ASH1L: variants seen among roughly 807,000 people sequenced by gnomAD.
The protein encoded by ASH1L is ASH1 like histone lysine methyltransferase, also known as histone-lysine N-methyltransferase ASH1L.
A neutral mutation model predicts 269.0 loss-of-function variants in ASH1L; 23 were observed. The observed-to-expected ratio is 0.09, with a 90% CI of 0.06 to 0.12. The LOEUF is 0.12. Ranked by LOEUF, ASH1L falls within the 10% of genes least tolerant of loss-of-function variation. The pLI is 1.00. For synonymous variants in ASH1L, 1,187 were observed against 1,253.5 expected (o/e 0.95, Z 1.12); for missense variants, 2,912 against 3,567.8 (o/e 0.82, Z 4.68).
rs747249066 is a variant in ASH1L at position 155,562,289 on chromosome 1, A to G, written c.-236T>C. The G allele has an allele frequency of 5.6e-6, 9 of 1,602,088 alleles. No individual in the cohort carries two copies. In the East Asian group the frequency reaches 2.0e-4, roughly 36 times the overall value. ...GCTTGTCAGGAGGCGGCCAGCGGGT[A>G]AGCTGACTGGCGGAAATGCGAGAGA... On this transcript the variant is annotated 5_prime_UTR_variant, in exon 1 of 28. Transcript: ENST00000392403.
Position 155,480,664 on chromosome 1 carries a change from A to T in ASH1L, c.2206T>A (p.Leu736Ile). 1 of 1,613,934 alleles carries T rather than the reference A, an allele frequency of 6.2e-7. No individual in the cohort carries two copies. Among genetic ancestry groups the T allele is most frequent in the Non-Finnish European group, 8.5e-7 (1 of 1,179,942 alleles). ...TTTTTAAAAAGCTCTGATCTTTCTAATTCTAGCCCTTTTGGAGACCGGCAT... is the reference window on the plus strand; with the variant it reads ...TTTTTAAAAAGCTCTGATCTTTCTATTTCTAGCCCTTTTGGAGACCGGCAT... Reference protein sequence around the residue: ...STCRSPKGLELERSELFKNVS... With the variant: ...STCRSPKGLEIERSELFKNVS... Residue 736 changes from leucine to isoleucine, a missense_variant, in exon 3 of 28, where the codon TTA becomes ATA. Coordinates refer to ENST00000392403, the MANE Select transcript of ASH1L (RefSeq NM_018489.3).
chr1:155,367,059 T>C (rs1191505022), intron 12 of ASH1L, among the ~76,000 whole-genome samples: 1 of 142,008 alleles, frequency 7.0e-6, no homozygotes, highest in Non-Finnish European at 1.5e-5. Context: ...ATTGGTGCAA[T>C]CTCAGTTCAC....
At chr1:155,353,209 A>G (rs1654081120) in intron 16 of ASH1L, among the ~76,000 whole-genome samples, 1 of 152,226 alleles carries the variant, frequency 6.6e-6, no homozygotes, top group Admixed American at 6.5e-5. Flanking sequence ...CTTCTCAAAC[A>G]TAAAATGAGA....
chr1:155,538,703 CATA>C (rs1304199726), intron 1 of ASH1L, among the ~76,000 whole-genome samples: 1 of 138,592 alleles, frequency 7.2e-6, no homozygotes, highest in African/African-American at 2.7e-5. Flanking sequence ...GGTACAGTGG[CATA>C]ATAATAGCTT....
At chr1:155,541,005 G>T (rs764706035) in intron 1 of ASH1L, among the ~76,000 whole-genome samples, 4 of 152,088 alleles carry the variant, frequency 2.6e-5, no homozygotes, top group Non-Finnish European at 5.9e-5. Context: ...CTAGACTTGG[G>T]AGGCTGAGGC....
intron 4 of ASH1L, among the ~76,000 whole-genome samples, chr1:155,445,769 T>A (rs1400802692): frequency 6.6e-6 from 1 of 152,222 alleles, no homozygotes; most frequent in African/African-American, 2.4e-5. Flanking sequence ...CTCTGACATA[T>A]CTCTCCCACT....
At chr1:155,376,784 G>A (rs1475068007) in intron 10 of ASH1L, among the ~76,000 whole-genome samples, 9 of 150,122 alleles carry the variant, frequency 6.0e-5, no homozygotes, top group African/African-American at 2.2e-4. Context: ...GAACCCGGGA[G>A]GCAGAGGTTG....
At chr1:155,376,809 C>T (rs567766094) in intron 10 of ASH1L, among the ~76,000 whole-genome samples, 26 of 148,888 alleles carry the variant, frequency 1.7e-4, no homozygotes, top group African/African-American at 5.9e-4. Context: ...GAGCCAAGAT[C>T]GCGCCACTGC....
intron 5 of ASH1L, chr1:155,433,700 C>G: frequency 1.3e-6 from 2 of 1,599,534 alleles, no homozygotes; most frequent in African/African-American, 1.3e-5. Context: ...CCTGGGGGTT[C>G]TATTTGGGAA....
At chr1:155,344,849 T>G (rs958440133) in intron 21 of ASH1L, among the ~76,000 whole-genome samples, 3 of 152,206 alleles carry the variant, frequency 2.0e-5, no homozygotes, top group Non-Finnish European at 2.9e-5. Context: ...CTGAGTCCAG[T>G]GCTCTTTTCA....
At position 155,539,790 on chromosome 1, in the gene ASH1L, T is replaced by C. The variant is rs546202820; in HGVS notation, c.-99-18172A>G. Among the ~76,000 whole-genome samples, 20 of 151,910 alleles carry C rather than the reference T, an allele frequency of 1.3e-4. No individual in the cohort carries two copies. The East Asian group carries it at 3.1e-3, about 24-fold the overall frequency. On this transcript the variant is annotated intron_variant, in intron 1 of 27. Coordinates refer to ENST00000392403, the MANE Select transcript of ASH1L (RefSeq NM_018489.3). The stretch of plus-strand genomic sequence containing the variant: ...GGCTCATGCCTGTAATCCCAGCACA[T>C]TGAGGCCAAGGCAGGAAGATCGCTT...
intron 13 of ASH1L, 79 bp from the exon 14 acceptor site, chr1:155,357,828 T>C (rs1466590626): frequency 7.3e-6 from 10 of 1,367,410 alleles, no homozygotes; most frequent in Non-Finnish European, 8.8e-6. Flanking sequence ...TGAAGTACAA[T>C]AGTATGATCA....
intron 1 of ASH1L, among the ~76,000 whole-genome samples, chr1:155,527,207 CA>C (rs899335996): frequency 2.0e-5 from 3 of 147,858 alleles, no homozygotes; most frequent in East Asian, 4.0e-4. Flanking sequence ...GACTCCGTCT[CA>C]AAAAAAAAGA....
intron 4 of ASH1L, among the ~76,000 whole-genome samples, chr1:155,452,989 C>T (rs1663602940): frequency 6.6e-6 from 1 of 152,144 alleles, no homozygotes; most frequent in African/African-American, 2.4e-5. Context: ...TTTTCTTAGG[C>T]CATTTTTTTG....
At chr1:155,547,228 T>C (rs1670893038) in intron 1 of ASH1L, among the ~76,000 whole-genome samples, 1 of 151,502 alleles carries the variant, frequency 6.6e-6, no homozygotes, top group Admixed American at 6.6e-5. Flanking sequence ...TGGGATTATG[T>C]TTCATCATAT....
At chr1:155,490,903 G>GTGAGCCA (rs1666729238) in intron 2 of ASH1L, among the ~76,000 whole-genome samples, 1 of 145,546 alleles carries the variant, frequency 6.9e-6, no homozygotes. Flanking sequence ...CAAGGCTGCA[G>GTGAGCCA]TGAGCCATGA....
At chr1:155,412,853 G>GA (rs1659913518) in intron 6 of ASH1L, among the ~76,000 whole-genome samples, 1 of 151,312 alleles carries the variant, frequency 6.6e-6, no homozygotes, top group Admixed American at 6.6e-5. Flanking sequence ...TGGTGTATGG[G>GA]AAAACCCTCA....
rs753916432 is a variant in ASH1L at position 155,481,154 on chromosome 1, A to C, written c.1716T>G (p.Pro572=). ...TAGGAGCCAACTGTGAAGAAGTTTCAGGGGGACTTCTGGTTAAAGGATTAA... is the reference window on the plus strand; with the variant it reads ...TAGGAGCCAACTGTGAAGAAGTTTCCGGGGGACTTCTGGTTAAAGGATTAA... ...VSVNPLTRSP[P]ETSSQLAPNP... The change falls in exon 3 of 28, where the codon CCT becomes CCG. Residue 572 remains proline, a synonymous_variant. Coordinates refer to ENST00000392403, the MANE Select transcript of ASH1L (RefSeq NM_018489.3). The C allele has an allele frequency of 2.5e-6, 4 of 1,613,958 alleles. No individual in the cohort carries two copies. The highest frequency in any genetic ancestry group is 4.5e-5 in the East Asian group (2 of 44,892).
chr1:155,435,721 T>A (rs1275221302), intron 5 of ASH1L, among the ~76,000 whole-genome samples: 1 of 151,978 alleles, frequency 6.6e-6, no homozygotes, highest in Non-Finnish European at 1.5e-5. Flanking sequence ...GAAAAGCCAT[T>A]TATAAATGAT....
Sources: gnomAD v4.1 joint callset for allele counts (sites outside exome capture counted in the v4.1 genomes callset) on GRCh38, gnomAD v4.1.1 for gene constraint, MANE v1.5 for transcripts, NCBI Gene and HGNC (gene_info 2026-07-23, HGNC 2026-07-21) for gene names.